The following RYR3 variants were observed in gnomAD, a reference collection of about 807,000 sequenced individuals.
RYR3 encodes the protein brain ryanodine receptor-calcium release channel.
RYR3 carries 207 observed loss-of-function variants against 584.3 expected under a neutral mutation model. The observed-to-expected ratio is 0.35, with a 90% CI of 0.32 to 0.40. The LOEUF (loss-of-function observed/expected upper bound fraction) is 0.40, where lower values mean the gene tolerates loss of function less well. Ranked by LOEUF, RYR3 falls within the 10% of genes least tolerant of loss-of-function variation. The pLI is 1.00. For synonymous variants in RYR3, 2,416 were observed against 2,248.5 expected (o/e 1.07, Z -2.11); for missense variants, 5,616 against 6,089.2 (o/e 0.92, Z 2.59).
chr15:33,797,133 T>G (rs980215128), intron 67 of RYR3, among the ~76,000 whole-genome samples: 3 of 152,146 alleles, frequency 2.0e-5, no homozygotes, highest in Non-Finnish European at 4.4e-5. Context: ...GATGAGAAAT[T>G]ACTTAATGAG....
At chr15:33,827,077 C>A in intron 84 of RYR3, 122 bp from the exon 85 acceptor site, 2 of 858,204 alleles carry the variant, frequency 2.3e-6, no homozygotes, top group Middle Eastern at 2.3e-4. Flanking sequence ...TGCCATGACC[C>A]AAACATGGTA....
rs754774411 is a variant in RYR3, at chr15:33,558,086, C to CT, written c.973-4745dup. On this transcript the variant is annotated intron_variant, in intron 10 of 103. Transcript: ENST00000634891. Reference sequence around the variant, plus strand: ...TCCCAGTTTTTTTTCTGAGAACATTCTTTTTTAAATTTATTTGTTTTTTAT... The same window carrying CT: ...TCCCAGTTTTTTTTCTGAGAACATTCTTTTTTTAAATTTATTTGTTTTTTAT... 2.6e-5 allele frequency among the ~76,000 whole-genome samples: 4 copies of CT among 152,014 alleles called. No individual in the cohort carries two copies. The East Asian group carries it at 7.7e-4, about 29-fold the overall frequency.
intron 88 of RYR3, 128 bp from the exon 89 acceptor site, chr15:33,837,503 C>T: frequency 9.9e-7 from 1 of 1,007,670 alleles, no homozygotes; most frequent in Non-Finnish European, 1.4e-6. Flanking sequence ...CTCCCTCCTA[C>T]ATCATCACGG....
intron 102 of RYR3, 69 bp downstream of exon 102, chr15:33,861,247 T>G (rs878963467): frequency 8.7e-7 from 1 of 1,149,280 alleles, no homozygotes; most frequent in South Asian, 1.3e-5. Context: ...GTCATATAGT[T>G]CAGTCTCTGC....
Position 33,785,660 on chromosome 15 carries a change from A to C in RYR3, c.9269-2A>C. 1 of 1,557,142 alleles carries C rather than the reference A, an allele frequency of 6.4e-7. No individual in the cohort carries two copies. The highest frequency in any genetic ancestry group is 1.2e-5 in the South Asian group (1 of 82,484). ...TGTCCCTTTATTCTTCCTCTCAATC[A>C]GTTCTGGGGATGCCAGACACGGTAG... On this transcript the variant is annotated splice_acceptor_variant, in intron 65 of 103. Transcript: ENST00000634891. LOFTEE classifies it high-confidence loss of function.
intron 38 of RYR3, among the ~76,000 whole-genome samples, chr15:33,675,087 T>G (rs1304658834): frequency 6.6e-6 from 1 of 152,120 alleles, no homozygotes; most frequent in African/African-American, 2.4e-5. Context: ...AGAGCGAAAA[T>G]TCTGTCTCAA....
chr15:33,751,179 G>A (rs1446397588), intron 57 of RYR3, among the ~76,000 whole-genome samples: 2 of 152,184 alleles, frequency 1.3e-5, no homozygotes, highest in African/African-American at 4.8e-5. Flanking sequence ...ATTGTGAACA[G>A]TGCTGCAATA....
intron 61 of RYR3, 61 bp from the exon 62 acceptor site, chr15:33,769,051 C>A: frequency 7.9e-7 from 1 of 1,270,420 alleles, no homozygotes; most frequent in Non-Finnish European, 1.2e-6. Context: ...ATGGAGAAGA[C>A]TGCATTTGAA....
chr15:33,511,936 G>A (rs1432459827), intron 3 of RYR3, among the ~76,000 whole-genome samples: 2 of 152,040 alleles, frequency 1.3e-5, no homozygotes, highest in African/African-American at 2.4e-5. Context: ...CCGCCACCAC[G>A]CCCGGCTAAT....
intron 14 of RYR3, among the ~76,000 whole-genome samples, 189 bp from the exon 15 acceptor site, chr15:33,584,206 G>A (rs556749069): frequency 7.9e-5 from 12 of 152,240 alleles, no homozygotes; most frequent in Admixed American, 7.2e-4. Context: ...CAGCCTGGGT[G>A]ACTGGGTGAG....
At chr15:33,343,733 G>A (rs1972104137) in intron 1 of RYR3, among the ~76,000 whole-genome samples, 1 of 151,980 alleles carries the variant, frequency 6.6e-6, no homozygotes, top group South Asian at 2.1e-4. Context: ...CTATTGTTTG[G>A]TTCAATTTTT....
intron 43 of RYR3, among the ~76,000 whole-genome samples, chr15:33,717,744 C>T (rs112872748): frequency 7.1e-4 from 108 of 152,282 alleles, no homozygotes; most frequent in African/African-American, 2.4e-3. Flanking sequence ...CACAGGTCTG[C>T]GGGGGTGGCT....
At chr15:33,736,007 A>G (rs528297870) in intron 48 of RYR3, among the ~76,000 whole-genome samples, 38 of 152,346 alleles carry the variant, frequency 2.5e-4, no homozygotes, top group African/African-American at 8.7e-4. Context: ...TCACATAGCA[A>G]TTAGAATTCC....
chr15:33,759,537 A>G (rs1245877323), intron 60 of RYR3, among the ~76,000 whole-genome samples: 1 of 152,238 alleles, frequency 6.6e-6, no homozygotes, highest in South Asian at 2.1e-4. Flanking sequence ...TAGCGGAAGA[A>G]AGGAAATCAG....
At chr15:33,724,281 T>C (rs1287286372) in intron 45 of RYR3, 105 bp downstream of exon 45, 1 of 663,830 alleles carries the variant, frequency 1.5e-6, no homozygotes, top group Non-Finnish European at 2.6e-6. Flanking sequence ...TTTGCTAACA[T>C]GCCTTTTTCT....
At chr15:33,749,177 G>A (rs1244989406) in intron 55 of RYR3, among the ~76,000 whole-genome samples, 5 of 152,172 alleles carry the variant, frequency 3.3e-5, no homozygotes, top group Non-Finnish European at 7.3e-5. Context: ...GTGAAATTTA[G>A]CACCTCAATG....
rs369563500 is a variant in RYR3, at chr15:33,644,396, C to T, written c.3642C>T (p.Thr1214=). The T allele has an allele frequency of 1.9e-6, 3 of 1,613,360 alleles. No individual in the cohort carries two copies. Among genetic ancestry groups the T allele is most frequent in the African/African-American group, 2.7e-5 (2 of 74,908 alleles). Residue 1214 remains threonine (T), a synonymous_variant, in exon 28 of 104, where the codon ACC becomes ACT. Coordinates refer to ENST00000634891, the MANE Select transcript of RYR3 (RefSeq NM_001036.6). ...ATGCCAGTACCTTCAAGTTTTATAC[C>T]ATGTGCGGTCTCCAAGAGGGCTTTG... is the stretch of plus-strand genomic sequence containing the variant. ...GTDASTFKFY[T]MCGLQEGFEP...
chr15:33,529,633 G>A (rs2054682776), intron 3 of RYR3, among the ~76,000 whole-genome samples: 1 of 152,062 alleles, frequency 6.6e-6, no homozygotes, highest in South Asian at 2.1e-4. Flanking sequence ...GGGGAGGGGA[G>A]GGCTTATGCT....
At chr15:33,551,311 A>G (rs1442082938) in intron 10 of RYR3, among the ~76,000 whole-genome samples, 2 of 152,186 alleles carry the variant, frequency 1.3e-5, no homozygotes, top group East Asian at 3.8e-4. Flanking sequence ...CTTTTCCAGA[A>G]ATAAATCTTG....
Sources: gnomAD v4.1 joint callset for allele counts (sites outside exome capture counted in the v4.1 genomes callset) on GRCh38, gnomAD v4.1.1 for gene constraint, MANE v1.5 for transcripts, NCBI Gene and HGNC (gene_info 2026-07-23, HGNC 2026-07-21) for gene names.